CTNNA2: variants seen among roughly 807,000 people sequenced by gnomAD.
CTNNA2 encodes the protein catenin alpha 2, also known as catenin alpha-2.
In CTNNA2, 42 loss-of-function variants were observed where a neutral mutation model predicts 101.0. The observed-to-expected ratio is 0.42, with a 90% CI of 0.32 to 0.54. The LOEUF (loss-of-function observed/expected upper bound fraction) is 0.54, where lower values mean the gene tolerates loss of function less well. Ranked by LOEUF, CTNNA2 falls within the 20% of genes least tolerant of loss-of-function variation. CTNNA2 has a pLI of 0.14. For synonymous variants in CTNNA2, 450 were observed against 456.4 expected, an observed-to-expected ratio of 0.99 and a Z score of 0.18; for missense variants, 871 against 1,223.1, an observed-to-expected ratio of 0.71 and a Z score of 4.29.
intron 3 of CTNNA2, among the ~76,000 whole-genome samples, chr2:79,328,957 T>A (rs1413783281): frequency 6.6e-6 from 1 of 152,188 alleles, no homozygotes; most frequent in Non-Finnish European, 1.5e-5. Context: ...AATCTCTGCC[T>A]CTGTCTTCAC....
At chr2:79,279,617 T>G (rs556329983) in intron 2 of CTNNA2, among the ~76,000 whole-genome samples, 2 of 152,094 alleles carry the variant, frequency 1.3e-5, no homozygotes, top group Non-Finnish European at 2.9e-5. Flanking sequence ...CAAAGACATC[T>G]TTAAAGGAAA....
At chr2:79,884,571 G>A (rs975326386) in intron 6 of CTNNA2, among the ~76,000 whole-genome samples, 14 of 151,922 alleles carry the variant, frequency 9.2e-5, no homozygotes, top group Non-Finnish European at 2.1e-4. Flanking sequence ...AATATCTCTT[G>A]TAAGATTTAA....
chr2:79,932,365 A>G (rs1025126550), intron 7 of CTNNA2, among the ~76,000 whole-genome samples: 1 of 152,204 alleles, frequency 6.6e-6, no homozygotes, highest in Non-Finnish European at 1.5e-5. Flanking sequence ...AGAAGAGGGA[A>G]CCAGTGAACT....
intron 11 of CTNNA2, among the ~76,000 whole-genome samples, chr2:80,552,343 A>AT (rs932649698): frequency 5.3e-5 from 8 of 152,130 alleles, no homozygotes; most frequent in African/African-American, 1.9e-4. Context: ...AGAAAAAAAA[A>AT]CCCACCAATC....
At chr2:79,882,492 A>T (rs1683514504) in intron 6 of CTNNA2, among the ~76,000 whole-genome samples, 1 of 152,224 alleles carries the variant, frequency 6.6e-6, no homozygotes, top group Non-Finnish European at 1.5e-5. Context: ...CTCTGGCAGC[A>T]GTCTGCCACA....
chr2:79,594,972 A>T (rs979284326), intron 1 of CTNNA2, among the ~76,000 whole-genome samples: 1 of 151,574 alleles, frequency 6.6e-6, no homozygotes, highest in Non-Finnish European at 1.5e-5. Context: ...TTTTTTTGAA[A>T]GATTGTGTTT....
At chr2:80,253,922 A>G (rs1357354131) in intron 7 of CTNNA2, among the ~76,000 whole-genome samples, 1 of 152,174 alleles carries the variant, frequency 6.6e-6, no homozygotes, top group Non-Finnish European at 1.5e-5. Context: ...AAACATTTTC[A>G]TGGGAAGGTA....
chr2:79,758,507 G>A (rs1672549801), intron 3 of CTNNA2, among the ~76,000 whole-genome samples: 1 of 152,164 alleles, frequency 6.6e-6, no homozygotes, highest in Non-Finnish European at 1.5e-5. Context: ...GTTATATTGT[G>A]TGGTGCTGAG....
intron 7 of CTNNA2, among the ~76,000 whole-genome samples, chr2:80,045,528 A>G (rs1696456966): frequency 6.6e-6 from 1 of 152,208 alleles, no homozygotes; most frequent in Admixed American, 6.5e-5. Context: ...CACACTAAAT[A>G]AATAATTACA....
intron 4 of CTNNA2, among the ~76,000 whole-genome samples, chr2:79,404,715 C>G (rs1233564750): frequency 2.0e-5 from 3 of 151,996 alleles, no homozygotes; most frequent in African/African-American, 4.8e-5. Context: ...AAGATTTAAT[C>G]TAGTGTTTGG....
intron 9 of CTNNA2, among the ~76,000 whole-genome samples, chr2:80,451,686 A>G (rs1683517967): frequency 6.6e-6 from 1 of 152,184 alleles, no homozygotes; most frequent in African/African-American, 2.4e-5. Flanking sequence ...AGATCAGGCA[A>G]TAATTCAAAT....
At chr2:79,188,425 G>A (rs1027411009) in intron 1 of CTNNA2, among the ~76,000 whole-genome samples, 1 of 152,104 alleles carries the variant, frequency 6.6e-6, no homozygotes, top group African/African-American at 2.4e-5. Context: ...AGTGTCACCT[G>A]GGGCACTTCA....
In CTNNA2 at chr2:80,469,532, A is replaced by G. The variant is rs113367380; in HGVS notation, c.1290+49931A>G. On this transcript the variant is annotated intron_variant, in intron 9 of 18. Coordinates refer to ENST00000402739, the MANE Select transcript of CTNNA2 (RefSeq NM_001282597.3). ...GAGCAGCTTCTGGAGAGTAGACACT[A>G]GTAGCTAGTAGACATTAGGTACTAG... 7.0e-3 allele frequency among the ~76,000 whole-genome samples: 1,072 copies of G among 152,348 alleles called. 10 individuals are homozygous for G. Among genetic ancestry groups the G allele is most frequent in the African/African-American group, 0.02 (817 of 41,582 alleles).
intron 1 of CTNNA2, chr2:79,634,457 A>G (rs985395710): frequency 2.6e-5 from 4 of 152,202 alleles, no homozygotes; most frequent in South Asian, 2.1e-4. Context: ...AATTGGTTCA[A>G]TTTCGAAGGG....
At chr2:80,275,149 C>G (rs191290824) in intron 7 of CTNNA2, among the ~76,000 whole-genome samples, 1 of 151,926 alleles carries the variant, frequency 6.6e-6, no homozygotes, top group Non-Finnish European at 1.5e-5. Flanking sequence ...TTAAGTCAAA[C>G]CCCCGTGACC....
chr2:80,041,341 A>T (rs919692790), intron 7 of CTNNA2, among the ~76,000 whole-genome samples: 10 of 152,156 alleles, frequency 6.6e-5, no homozygotes, highest in African/African-American at 2.4e-4. Flanking sequence ...AAGTGGTATG[A>T]CAAAGAATAT....
chr2:80,337,354 CA>C (rs199931343), intron 7 of CTNNA2, among the ~76,000 whole-genome samples: 1 of 145,842 alleles, frequency 6.9e-6, no homozygotes, highest in Non-Finnish European at 1.5e-5. Flanking sequence ...GACTCTGTCT[CA>C]AAAAAAAACC....
At chr2:79,762,335 T>C (rs898188267) in intron 3 of CTNNA2, among the ~76,000 whole-genome samples, 4 of 152,134 alleles carry the variant, frequency 2.6e-5, no homozygotes, top group Non-Finnish European at 4.4e-5. Context: ...CAAGGCAAGA[T>C]ACGAGCATTT....
At position 80,555,805 on chromosome 2, in the gene CTNNA2, A is replaced by G; in HGVS notation, c.1653A>G (p.Ile551Met). 6.2e-7 allele frequency: 1 copy of G among 1,601,164 alleles called. No individual in the cohort carries two copies. ...GAIRGRAARVIHIINAEMENY... is the reference protein window; with the variant it reads ...GAIRGRAARVMHIINAEMENY... ...TCAGGGGCCGGGCAGCTCGAGTCAT[A>G]CACATCATCAATGCTGAGATGGAGA... Residue 551 changes from isoleucine to methionine, a missense_variant, in exon 12 of 19, where the codon ATA becomes ATG. By Grantham distance (10) the Ile-to-Met change is conservative. Transcript: ENST00000402739.
Sources: gnomAD v4.1 joint callset for allele counts (sites outside exome capture counted in the v4.1 genomes callset) on GRCh38, gnomAD v4.1.1 for gene constraint, MANE v1.5 for transcripts, NCBI Gene and HGNC (gene_info 2026-07-23, HGNC 2026-07-21) for gene names.